AP3B1: variants seen among roughly 807,000 people sequenced by gnomAD.
AP3B1 encodes adaptor related protein complex 3 subunit beta 1.
In AP3B1, 61 loss-of-function variants were observed where a neutral mutation model predicts 132.5. That is an observed-to-expected ratio of 0.46 (90% confidence interval 0.37 to 0.57). The LOEUF (loss-of-function observed/expected upper bound fraction) is 0.57. AP3B1 is among the 20% of genes least tolerant of loss of function. The pLI is 0.00. For synonymous variants in AP3B1, 388 were observed against 438.3 expected (o/e 0.89, Z 1.43); for missense variants, 1,120 against 1,289.4 (o/e 0.87, Z 2.01).
chr5:78,191,298 G>A (rs78714536), intron 7 of AP3B1, among the ~76,000 whole-genome samples: 2,069 of 128,574 alleles, frequency 0.016, 55 homozygotes, highest in African/African-American at 0.059. Context: ...AGACCCAGAA[G>A]AAGTAGTAAA....
chr5:78,211,201 T>C (rs1423099330), intron 7 of AP3B1, among the ~76,000 whole-genome samples: 2 of 152,218 alleles, frequency 1.3e-5, no homozygotes, highest in African/African-American at 2.4e-5. Flanking sequence ...CATTAATATG[T>C]AAATTTAAAG....
chr5:78,063,264 G>A (rs34436), intron 22 of AP3B1, among the ~76,000 whole-genome samples: 134,825 of 152,174 alleles, frequency 0.89, 60,451 homozygotes, highest in African/African-American at 0.95. Context: ...TATACCTACA[G>A]CTCATTTCCA....
intron 24 of AP3B1, among the ~76,000 whole-genome samples, chr5:78,024,736 G>A (rs888356483): frequency 2.0e-5 from 3 of 151,632 alleles, no homozygotes; most frequent in Non-Finnish European, 4.4e-5. Context: ...GCTAATTTTT[G>A]TATTTTAGTA....
chr5:78,084,842 T>C (rs935295934), intron 22 of AP3B1, among the ~76,000 whole-genome samples: 1 of 152,234 alleles, frequency 6.6e-6, no homozygotes, highest in African/African-American at 2.4e-5. Flanking sequence ...AGTACAATTG[T>C]ACAATTTTAC....
chr5:78,064,052 C>T (rs368871878), intron 22 of AP3B1, among the ~76,000 whole-genome samples: 13 of 148,880 alleles, frequency 8.7e-5, no homozygotes, highest in African/African-American at 3.2e-4. Context: ...AGATCAATTA[C>T]AATTCAGGTA....
chr5:78,099,625 G>A (rs1751045861), intron 21 of AP3B1, among the ~76,000 whole-genome samples: 1 of 152,090 alleles, frequency 6.6e-6, no homozygotes, highest in African/African-American at 2.4e-5. Flanking sequence ...AGTGGGGCGT[G>A]GTGGCTCACA....
chr5:78,154,086 C>A (rs1743030494), intron 14 of AP3B1, among the ~76,000 whole-genome samples: 1 of 152,166 alleles, frequency 6.6e-6, no homozygotes, highest in Admixed American at 6.5e-5. Flanking sequence ...CCATCCTTTT[C>A]TTTCAGATTG....
chr5:78,252,404 T>C (rs997280069), intron 2 of AP3B1, among the ~76,000 whole-genome samples: 3 of 152,168 alleles, frequency 2.0e-5, no homozygotes, highest in Non-Finnish European at 2.9e-5. Context: ...TTCTAGGACT[T>C]GGCTCTTGGA....
intron 22 of AP3B1, among the ~76,000 whole-genome samples, chr5:78,052,323 T>A (rs747826860): frequency 2.0e-5 from 3 of 152,166 alleles, no homozygotes; most frequent in Non-Finnish European, 4.4e-5. Context: ...TTAATGAGCA[T>A]CTTATTTCAT....
chr5:78,115,376 C>T (rs1751780831), intron 18 of AP3B1, among the ~76,000 whole-genome samples: 1 of 152,068 alleles, frequency 6.6e-6, no homozygotes. Context: ...AGTTGGGTGT[C>T]GTTTGGTCTT....
intron 1 of AP3B1, among the ~76,000 whole-genome samples, chr5:78,283,726 C>T (rs1159512966): frequency 6.6e-6 from 1 of 152,194 alleles, no homozygotes; most frequent in Admixed American, 6.5e-5. Context: ...ACCCTCCTCA[C>T]TCCAAACTTA....
At chr5:78,095,863 T>C (rs931245862) in intron 21 of AP3B1, among the ~76,000 whole-genome samples, 4 of 152,182 alleles carry the variant, frequency 2.6e-5, no homozygotes, top group African/African-American at 9.6e-5. Flanking sequence ...TTTAAAGAAA[T>C]AGCACTTGGG....
At chr5:78,245,328 G>C (rs1390747767) in intron 2 of AP3B1, among the ~76,000 whole-genome samples, 2 of 152,188 alleles carry the variant, frequency 1.3e-5, no homozygotes, top group Non-Finnish European at 2.9e-5. Flanking sequence ...ACTTATCAGA[G>C]AGCAGCTAGT....
chr5:78,237,395 G>A (rs1007688235), intron 3 of AP3B1, among the ~76,000 whole-genome samples: 8 of 152,118 alleles, frequency 5.3e-5, no homozygotes, highest in African/African-American at 1.9e-4. Flanking sequence ...TCAGAAGGCT[G>A]AGTCAGGAGG....
At chr5:78,053,690 A>AT (rs1748683596) in intron 22 of AP3B1, among the ~76,000 whole-genome samples, 1 of 145,586 alleles carries the variant, frequency 6.9e-6, no homozygotes, top group Non-Finnish European at 1.5e-5. Context: ...AAAAAAAAAA[A>AT]AAAAAAAGAA....
intron 6 of AP3B1, among the ~76,000 whole-genome samples, chr5:78,223,318 AT>A (rs1461304048): frequency 1.3e-5 from 2 of 152,156 alleles, no homozygotes; most frequent in East Asian, 1.9e-4. Flanking sequence ...ATTAAAAAAA[AT>A]AAACATATAG....
At chr5:78,127,278 C>G (rs1393055894) in intron 17 of AP3B1, among the ~76,000 whole-genome samples, 3 of 152,066 alleles carry the variant, frequency 2.0e-5, no homozygotes, top group Non-Finnish European at 4.4e-5. Flanking sequence ...GAAAAGTATC[C>G]AGAATACAAT....
intron 23 of AP3B1, among the ~76,000 whole-genome samples, chr5:78,036,707 T>C (rs1468916634): frequency 6.6e-6 from 1 of 152,128 alleles, no homozygotes; most frequent in Non-Finnish European, 1.5e-5. Flanking sequence ...AAAAAGTCAT[T>C]GCACATTACA....
rs1743577208 is a variant in AP3B1 at position 78,165,535 on chromosome 5, T to G, written c.1230+75A>C. Reference sequence around the variant, plus strand: ...TTTTATGTACATAATTACATATTTCTAGATAGAAAAAGATGCATATTTAAG... The same window carrying G: ...TTTTATGTACATAATTACATATTTCGAGATAGAAAAAGATGCATATTTAAG... On this transcript the variant is annotated intron_variant, in intron 12 of 26. Transcript: ENST00000255194. 4.0e-6 allele frequency: 4 copies of G among 1,003,966 alleles called. No homozygotes were observed. In the African/African-American group the frequency reaches 4.8e-5, roughly 12 times the overall value. 62.2% of individuals were successfully genotyped at this position (1,003,966 alleles called of 1,614,324 possible). A position where few individuals can be genotyped will look rare whatever the true frequency, so the allele number is the denominator to read the frequency against.
Sources: allele counts gnomAD v4.1 joint callset (sites outside exome capture counted in the v4.1 genomes callset), GRCh38; gene constraint gnomAD v4.1.1; transcripts MANE v1.5; gene names NCBI Gene and HGNC (gene_info 2026-07-23, HGNC 2026-07-21).